The following ZNF626 variants were observed in gnomAD, a reference collection of about 807,000 sequenced individuals.
ZNF626 encodes the protein CTC-513N18.7.
ZNF626 carries 4 observed loss-of-function variants against 11.7 expected under a neutral mutation model. The observed-to-expected ratio is 0.34, with a 90% confidence interval of 0.17 to 0.78. The LOEUF is 0.78. Among genes scored for constraint, ZNF626 ranks in the 30% least tolerant of loss-of-function variants. The probability of loss-of-function intolerance (pLI) is 0.57; values close to 1 mark genes in which losing one functional copy is unlikely to be tolerated. For synonymous variants in ZNF626, 179 were observed against 198.6 expected (o/e 0.90, Z 0.83); for missense variants, 588 against 587.1 (o/e 1.00, Z -0.01).
intron 1 of ZNF626, among the ~76,000 whole-genome samples, chr19:20,656,053 GA>G (rs1351351160): frequency 6.6e-6 from 1 of 152,070 alleles, no homozygotes; most frequent in African/African-American, 2.4e-5. Context: ...GTTTACAGGG[GA>G]AAAACCAGAA....
intron 1 of ZNF626, 127 bp downstream of exon 1, chr19:20,661,317 A>T: frequency 5.4e-6 from 7 of 1,297,564 alleles, no homozygotes; most frequent in Non-Finnish European, 7.8e-6. Context: ...GGCCGAGCTG[A>T]GCAAGGAGAA....
intron 3 of ZNF626, among the ~76,000 whole-genome samples, chr19:20,626,626 A>C (rs545897452): frequency 1.0e-3 from 152 of 152,126 alleles, no homozygotes; most frequent in African/African-American, 3.6e-3. Flanking sequence ...GCTGACACAC[A>C]ACACAAGAAT....
intron 1 of ZNF626, among the ~76,000 whole-genome samples, chr19:20,648,198 T>C (rs551988804): frequency 1.2e-3 from 181 of 149,036 alleles, no homozygotes; most frequent in Non-Finnish European, 1.9e-3. Flanking sequence ...AAAAGAATCA[T>C]CAGTTGTATA....
chr19:20,639,543 G>C (rs1211531964), intron 3 of ZNF626, among the ~76,000 whole-genome samples: 1 of 152,184 alleles, frequency 6.6e-6, no homozygotes, highest in Non-Finnish European at 1.5e-5. Flanking sequence ...TTTAAGACCA[G>C]CCTGGGCAAC....
chr19:20,640,201 T>TA (rs201908205), intron 3 of ZNF626, among the ~76,000 whole-genome samples: 80,892 of 148,348 alleles, frequency 0.55, 24,739 homozygotes, highest in African/African-American at 0.83. Context: ...AATATTTTAA[T>TA]TTTTTAATAT....
rs782365866 is a variant in ZNF626 at position 20,645,533 on chromosome 19, CCAAA to C, written c.226+147_226+150del. 4.9e-5 allele frequency: 77 copies of C among 1,558,576 alleles called. 1 individual carries two copies. The highest frequency in any genetic ancestry group is 3.3e-4 in the African/African-American group (24 of 71,840). ...GTAAGCAAAATTAAAAAAGAAAAAA[CCAAA>C]CAAACAAACAAACAAAAAATAGCTG... is the stretch of plus-strand genomic sequence containing the variant. On this transcript the variant is annotated intron_variant, in intron 3 of 3. Transcript: ENST00000601440.
At chr19:20,660,795 A>G (rs1334625677) in intron 1 of ZNF626, among the ~76,000 whole-genome samples, 1 of 152,242 alleles carries the variant, frequency 6.6e-6, no homozygotes, top group African/African-American at 2.4e-5. Flanking sequence ...AGACCGCACA[A>G]TCTAAGCTGA....
At chr19:20,651,766 C>T (rs1970148548) in intron 1 of ZNF626, among the ~76,000 whole-genome samples, 2 of 152,268 alleles carry the variant, frequency 1.3e-5, no homozygotes, top group South Asian at 2.1e-4. Context: ...ATAGAACTGC[C>T]TTGGTGGAGC....
chr19:20,648,875 A>G (rs1378541474), intron 1 of ZNF626, among the ~76,000 whole-genome samples: 1 of 152,244 alleles, frequency 6.6e-6, no homozygotes, highest in East Asian at 1.9e-4. Flanking sequence ...AGAATTCTGC[A>G]TGGCATATAA....
chr19:20,656,779 A>G (rs1415208834), intron 1 of ZNF626, among the ~76,000 whole-genome samples: 3 of 152,098 alleles, frequency 2.0e-5, no homozygotes, highest in Admixed American at 6.6e-5. Flanking sequence ...GCTGTTTTTC[A>G]TAAGTCAAAA....
intron 3 of ZNF626, among the ~76,000 whole-genome samples, chr19:20,633,708 G>A (rs1364649394): frequency 6.6e-6 from 1 of 152,172 alleles, no homozygotes; most frequent in Non-Finnish European, 1.5e-5. Context: ...CTTTGACTAG[G>A]AAAGGGAATT....
At chr19:20,635,415 TG>T (rs1969955522) in intron 3 of ZNF626, among the ~76,000 whole-genome samples, 1 of 152,308 alleles carries the variant, frequency 6.6e-6, no homozygotes, top group Admixed American at 6.5e-5. Flanking sequence ...CTCCGCCTCC[TG>T]GGTTTAAGTG....
In ZNF626 at chr19:20,636,327, ATT is replaced by A. The variant is rs576458424; in HGVS notation, c.226+9355_226+9356del. On this transcript the variant is annotated intron_variant, in intron 3 of 3. Transcript: ENST00000601440. ...ACTGTCTTAAATTGTACAGTTAAAT[ATT>A]GTTACATACAATTATAAACTAAAAA... 3.9e-4 allele frequency among the ~76,000 whole-genome samples: 60 copies of A among 152,282 alleles called. 2 individuals are homozygous for A. Among genetic ancestry groups the A allele is most frequent in the African/African-American group, 1.4e-3 (58 of 41,566 alleles).
Position 20,646,415 on chromosome 19 carries a change from A to G in ZNF626, c.4-10T>C, listed in dbSNP as rs782442393. ...TAAATTGCAATGGTCCCTGAAAAACACACACACACACATTTTTACCAAGTG... is the reference window on the plus strand; with the variant it reads ...TAAATTGCAATGGTCCCTGAAAAACGCACACACACACATTTTTACCAAGTG... On this transcript the variant is annotated splice_polypyrimidine_tract_variant and intron_variant, in intron 1 of 3. Transcript: ENST00000601440. The G allele has an allele frequency of 6.8e-6, 11 of 1,612,434 alleles. No individual in the cohort carries two copies. Among genetic ancestry groups the G allele is most frequent in the Non-Finnish European group, 9.3e-6 (11 of 1,178,976 alleles).
chr19:20,640,420 A>G (rs1235424837), intron 3 of ZNF626, among the ~76,000 whole-genome samples: 1 of 151,564 alleles, frequency 6.6e-6, no homozygotes, highest in African/African-American at 2.4e-5. Context: ...ACTAGACTTC[A>G]AAATTTCTGC....
At chr19:20,648,376 TC>T (rs370734151) in intron 1 of ZNF626, among the ~76,000 whole-genome samples, 43,440 of 126,090 alleles carry the variant, frequency 0.34, 7,923 homozygotes, top group African/African-American at 0.55. Context: ...TTCTTCTTCT[TC>T]TTCTTTTTTT....
intron 3 of ZNF626, chr19:20,645,020 T>A (rs1970060029): frequency 6.3e-6 from 1 of 159,748 alleles, no homozygotes. Context: ...AGTGCCATAT[T>A]ATCCAAAGTA....
At chr19:20,638,425 CTAAATAAATAAA>C (rs60283787) in intron 3 of ZNF626, among the ~76,000 whole-genome samples, 23 of 141,102 alleles carry the variant, frequency 1.6e-4, no homozygotes, top group African/African-American at 5.6e-4. Context: ...AACTGCATGT[CTAAATAAATAAA>C]TAAATAAATA....
In ZNF626 at chr19:20,623,304, A is replaced by C. The variant is rs1327743871; in HGVS notation, c.*986T>G. 2.6e-5 allele frequency: 4 copies of C among 152,034 alleles called. No homozygotes were observed. The highest frequency in any genetic ancestry group is 4.4e-5 in the Non-Finnish European group (3 of 68,006). 9.4% of individuals were successfully genotyped at this position (152,034 alleles called of 1,614,324 possible). A position where few individuals can be genotyped will look rare whatever the true frequency, so the allele number is the denominator to read the frequency against. On this transcript the variant is annotated 3_prime_UTR_variant, in exon 4 of 4. Transcript: ENST00000601440. ...TTGCCACATTCTTCATGCTTGTAGG[A>C]ATTTTGCCAGTATGAATTATCTTAC...
Sources: gnomAD v4.1 joint callset for allele counts (sites outside exome capture counted in the v4.1 genomes callset) on GRCh38, gnomAD v4.1.1 for gene constraint, MANE v1.5 for transcripts, NCBI Gene and HGNC (gene_info 2026-07-23, HGNC 2026-07-21) for gene names.